PCSK1: variants seen among roughly 807,000 people sequenced by gnomAD.
PCSK1 encodes proprotein convertase subtilisin/kexin type 1, also known as neuroendocrine convertase 1.
PCSK1 carries 56 observed loss-of-function variants against 90.6 expected under a neutral mutation model. The observed-to-expected ratio is 0.62, with a 90% confidence interval of 0.50 to 0.77. The LOEUF (loss-of-function observed/expected upper bound fraction) is 0.77. Among genes scored for constraint, PCSK1 ranks in the 30% least tolerant of loss-of-function variants. The pLI is 0.00. For synonymous variants in PCSK1, 348 were observed against 342.4 expected, an observed-to-expected ratio of 1.02 and a Z score of -0.18; for missense variants, 801 against 932.6, an observed-to-expected ratio of 0.86 and a Z score of 1.84.
At chr5:96,399,831 A>AG (rs781216960) in intron 10 of PCSK1, 122 bp downstream of exon 10, 57 of 757,844 alleles carry the variant, frequency 7.5e-5, no homozygotes, top group Admixed American at 1.2e-4. Flanking sequence ...AGAGAACACT[A>AG]GAAAATTCCA....
chr5:96,397,305 T>C (rs768051622), intron 12 of PCSK1, 31 bp downstream of exon 12: 24 of 1,601,848 alleles, frequency 1.5e-5, no homozygotes, highest in East Asian at 2.2e-5. Flanking sequence ...AAAGTAAGCT[T>C]GTGTTTTTTC....
At position 96,423,323 on chromosome 5, in the gene PCSK1, T is replaced by C. The variant is rs750700201; in HGVS notation, c.533A>G (p.Tyr178Cys). 1.2e-6 allele frequency: 2 copies of C among 1,610,064 alleles called. No homozygotes were observed. The highest frequency in any genetic ancestry group is 1.7e-6 in the Non-Finnish European group (2 of 1,177,848). The change falls in exon 4 of 14, where the codon TAT becomes TGT. Residue 178 changes from tyrosine to cysteine, a missense_variant. Transcript: ENST00000311106. ...DGLEWNHTDIYANYDPEASYD... is the reference protein window; with the variant it reads ...DGLEWNHTDICANYDPEASYD... ...AAGGCACACACTTACATAGTTGGCA[T>C]AAATGTCCGTGTGATTCCACTCCAA... is the stretch of plus-strand genomic sequence containing the variant.
intron 9 of PCSK1, among the ~76,000 whole-genome samples, chr5:96,406,945 C>T (rs543779134): frequency 6.6e-6 from 1 of 152,052 alleles, no homozygotes; most frequent in South Asian, 2.1e-4. Flanking sequence ...TGAGACAGTT[C>T]AATTTTTTTC....
intron 12 of PCSK1, 79 bp downstream of exon 12, chr5:96,397,257 A>G: frequency 8.0e-7 from 1 of 1,249,958 alleles, no homozygotes; most frequent in Non-Finnish European, 1.2e-6. Flanking sequence ...GCCCTAATTA[A>G]TGATGAAATC....
chr5:96,416,203 G>A, intron 5 of PCSK1, 82 bp from the exon 6 acceptor site: 1 of 942,074 alleles, frequency 1.1e-6, no homozygotes, highest in Non-Finnish European at 1.7e-6. Flanking sequence ...ATGGGGCATA[G>A]GTATATTAAC....
chr5:96,426,034 T>C, intron 2 of PCSK1, 104 bp from the exon 3 acceptor site: 1 of 725,100 alleles, frequency 1.4e-6, no homozygotes, highest in Non-Finnish European at 2.5e-6. Context: ...CAGGCAGCTC[T>C]GCAATATTTT....
chr5:96,413,326 A>G (rs371109373), intron 6 of PCSK1, among the ~76,000 whole-genome samples: 6 of 152,226 alleles, frequency 3.9e-5, no homozygotes, highest in African/African-American at 1.4e-4. Context: ...AGAGCCAGGA[A>G]GGCAAAAACA....
rs1331065707 is a variant in PCSK1 at position 96,416,060 on chromosome 5, CA to C, written c.681del (p.Gly228GlufsTer11). ...AMQANNHKCGVGVAYNSKVGG... is the reference protein window; with the variant it reads ...AMQANNHKCGXGVAYNSKVGG... ...CCAACTTTGGAATTGTATGCAACTC[CA>C]ACCCCGCATTTGTGATTATTTGCTT... On this transcript the variant is annotated frameshift_variant, in exon 6 of 14. Coordinates refer to ENST00000311106, the MANE Select transcript of PCSK1 (RefSeq NM_000439.5). LOFTEE classifies it high-confidence loss of function. 1 of 1,612,532 alleles carries C rather than the reference CA, an allele frequency of 6.2e-7. No individual in the cohort carries two copies. Among genetic ancestry groups the C allele is most frequent in the Non-Finnish European group, 8.5e-7 (1 of 1,178,652 alleles).
intron 6 of PCSK1, chr5:96,412,917 A>T: frequency 1.0e-6 from 1 of 994,534 alleles, no homozygotes; most frequent in Non-Finnish European, 1.2e-6. Context: ...ACTAAATGAC[A>T]GACCAGCTTT....
rs183283145 is a variant in PCSK1 at position 96,421,127 on chromosome 5, T to A, written c.620+753A>T. ...GTCCACATGCCTAGAGCGTGAAGTTTCTTTGGGGCTAGGAGAGAAGTTGAA... is the reference window on the plus strand; with the variant it reads ...GTCCACATGCCTAGAGCGTGAAGTTACTTTGGGGCTAGGAGAGAAGTTGAA... On this transcript the variant is annotated intron_variant, in intron 5 of 13. Coordinates refer to ENST00000311106, the MANE Select transcript of PCSK1 (RefSeq NM_000439.5). Among the ~76,000 whole-genome samples the A allele has an allele frequency of 5.3e-5, 8 of 152,322 alleles. No homozygotes were observed. The East Asian group carries it at 1.4e-3, about 26-fold the overall frequency.
At position 96,420,787 on chromosome 5, in the gene PCSK1, AAGAG is replaced by A. The variant is rs34161803; in HGVS notation, c.620+1089_620+1092del. Among the ~76,000 whole-genome samples, 138 of 143,440 alleles carry A rather than the reference AAGAG, an allele frequency of 9.6e-4. 2 individuals carry two copies. Among genetic ancestry groups the A allele is most frequent in the African/African-American group, 2.7e-3 (105 of 39,120 alleles). 94.1% of individuals were successfully genotyped at this position (143,440 alleles called of 152,430 possible). A position where few individuals can be genotyped will look rare whatever the true frequency, so the allele number is the denominator to read the frequency against. On this transcript the variant is annotated intron_variant, in intron 5 of 13. Coordinates refer to ENST00000311106, the MANE Select transcript of PCSK1 (RefSeq NM_000439.5). Reference sequence around the variant, plus strand: ...AGGAAGAGAGGGAGAGAGAGAGAGAAAGAGAGAGAGAGAGAGAGAGAGACAGAGA... The same window carrying A: ...AGGAAGAGAGGGAGAGAGAGAGAGAAAGAGAGAGAGAGAGAGAGACAGAGA...
At chr5:96,429,096 A>G (rs1271150117) in intron 2 of PCSK1, 117 bp downstream of exon 2, 2 of 663,866 alleles carry the variant, frequency 3.0e-6, no homozygotes, top group East Asian at 5.2e-5. Flanking sequence ...CAGATAAACA[A>G]TCTTGGTCAC....
intron 5 of PCSK1, among the ~76,000 whole-genome samples, chr5:96,417,898 T>C (rs562822000): frequency 6.6e-6 from 1 of 152,324 alleles, no homozygotes; most frequent in African/African-American, 2.4e-5. Flanking sequence ...CTGAGAAATG[T>C]ACTTCCAGAA....
At position 96,410,976 on chromosome 5, in the gene PCSK1, C is replaced by A; in HGVS notation, c.893G>T (p.Gly298Val). The A allele has an allele frequency of 6.2e-7, 1 of 1,612,358 alleles. No homozygotes were observed. ...FEYGVKQGRQ[G>V]KGSIFVWASG... ...AGCCCAGACGAAGATGGACCCCTTC[C>A]CCTGTCTCCCCTAAAGGAAAAGCCA... The change falls in exon 8 of 14, where the codon GGG becomes GTG. Residue 298 changes from glycine to valine, a missense_variant. Transcript: ENST00000311106.
At chr5:96,407,501 T>C (rs1330387821) in intron 9 of PCSK1, among the ~76,000 whole-genome samples, 1 of 151,368 alleles carries the variant, frequency 6.6e-6, no homozygotes, top group Middle Eastern at 3.2e-3. Flanking sequence ...GGAGGGAATA[T>C]AAAATGGTAT....
intron 8 of PCSK1, among the ~76,000 whole-genome samples, chr5:96,409,146 A>G (rs551459219): frequency 3.4e-4 from 52 of 152,344 alleles, no homozygotes; most frequent in African/African-American, 1.2e-3. Flanking sequence ...GCTGAGATGA[A>G]GGGAAGAAAC....
At chr5:96,424,347 T>A (rs1761217849) in intron 3 of PCSK1, among the ~76,000 whole-genome samples, 1 of 152,084 alleles carries the variant, frequency 6.6e-6, no homozygotes, top group East Asian at 1.9e-4. Flanking sequence ...GTACACAGAT[T>A]GTTGGCCAAA....
intron 4 of PCSK1, among the ~76,000 whole-genome samples, chr5:96,422,773 T>C (rs1396261623): frequency 6.6e-6 from 1 of 152,258 alleles, no homozygotes; most frequent in African/African-American, 2.4e-5. Context: ...TATTATATTA[T>C]AAACTTAATA....
In PCSK1 at chr5:96,425,837, T is replaced by A; in HGVS notation, c.379A>T (p.Asn127Tyr). 1 of 1,593,738 alleles carries A rather than the reference T, an allele frequency of 6.3e-7. No homozygotes were observed. Residue 127 changes from asparagine to tyrosine, a missense_variant, in exon 3 of 14, where the codon AAT becomes TAT. Physicochemically the swap from Asn to Tyr is moderately radical, Grantham distance 143 (BLOSUM62 -2). Coordinates refer to ENST00000311106, the MANE Select transcript of PCSK1 (RefSeq NM_000439.5). ...GTACTTACCAAGTACCATTGCTGATTCCACATGGGATCATTGAAGAGATTT... is the reference window on the plus strand; with the variant it reads ...GTACTTACCAAGTACCATTGCTGATACCACATGGGATCATTGAAGAGATTT... ...ALNLFNDPMW[N>Y]QQWYLQDTRM...
Sources: gnomAD v4.1 joint callset for allele counts (sites outside exome capture counted in the v4.1 genomes callset) on GRCh38, gnomAD v4.1.1 for gene constraint, MANE v1.5 for transcripts, NCBI Gene and HGNC (gene_info 2026-07-23, HGNC 2026-07-21) for gene names.